The following IGF2BP2 variants were observed in gnomAD, a reference collection of about 807,000 sequenced individuals.
The protein encoded by IGF2BP2 is insulin-like growth factor 2 mRNA-binding protein 2.
A neutral mutation model predicts 75.8 loss-of-function variants in IGF2BP2; 17 were observed. That is an observed-to-expected ratio of 0.22 (90% CI 0.15 to 0.34). The LOEUF (loss-of-function observed/expected upper bound fraction) is 0.34. Among genes scored for constraint, IGF2BP2 ranks in the 10% least tolerant of loss-of-function variants. The pLI is 1.00. For missense variants in IGF2BP2, 516 were observed against 772.4 expected (o/e 0.67, Z 3.93); for synonymous variants, 288 against 295.6 (o/e 0.97, Z 0.26).
intron 2 of IGF2BP2, among the ~76,000 whole-genome samples, chr3:185,712,871 TC>T (rs1230231780): frequency 6.6e-6 from 1 of 152,212 alleles, no homozygotes; most frequent in Non-Finnish European, 1.5e-5. Context: ...GGTTTGTGAC[TC>T]TACTTGTGTC....
chr3:185,818,382 A>G lies in IGF2BP2; in HGVS notation c.239+4771T>C, dbSNP rs114253805. The stretch of plus-strand genomic sequence containing the variant: ...AGGTACCTGTGACTTGGCTTTCACA[A>G]GGTTAACCACCTACAAGAGTTATTC... On this transcript the variant is annotated intron_variant, in intron 2 of 15. Transcript: ENST00000382199. Among the ~76,000 whole-genome samples the G allele has an allele frequency of 8.0e-4, 122 of 152,298 alleles. 1 individual carries two copies. The highest frequency in any genetic ancestry group is 2.8e-3 in the African/African-American group (117 of 41,566).
At chr3:185,811,469 T>A (rs974836532) in intron 2 of IGF2BP2, among the ~76,000 whole-genome samples, 6 of 152,236 alleles carry the variant, frequency 3.9e-5, no homozygotes, top group African/African-American at 1.4e-4. Flanking sequence ...CAGCTGTCTT[T>A]TTTTGACCTT....
intron 2 of IGF2BP2, among the ~76,000 whole-genome samples, chr3:185,766,749 C>T (rs1733129917): frequency 6.6e-6 from 1 of 152,222 alleles, no homozygotes; most frequent in Non-Finnish European, 1.5e-5. Context: ...GGTATATTCA[C>T]ACCTATTACT....
intron 2 of IGF2BP2, among the ~76,000 whole-genome samples, chr3:185,808,858 G>A (rs185468741): frequency 1.8e-4 from 27 of 151,906 alleles, no homozygotes; most frequent in Non-Finnish European, 3.2e-4. Flanking sequence ...ATGAGCCACC[G>A]CACCCAACCT....
intron 5 of IGF2BP2, among the ~76,000 whole-genome samples, chr3:185,691,377 C>A (rs1330733158): frequency 2.0e-5 from 3 of 152,200 alleles, no homozygotes; most frequent in Non-Finnish European, 4.4e-5. Context: ...GGATTACAGG[C>A]ATGAGCCACC....
intron 2 of IGF2BP2, among the ~76,000 whole-genome samples, chr3:185,796,632 AAAG>A (rs1468841497): frequency 1.7e-5 from 1 of 60,248 alleles, no homozygotes; most frequent in African/African-American, 1.1e-4. Context: ...AAAAAAAAAA[AAAG>A]AGAGAGAGAC....
intron 10 of IGF2BP2, among the ~76,000 whole-genome samples, chr3:185,670,815 C>G (rs926949707): frequency 5.3e-5 from 8 of 152,072 alleles, no homozygotes; most frequent in African/African-American, 1.9e-4. Flanking sequence ...GGAGATCCAC[C>G]TGCTTCAGCC....
intron 2 of IGF2BP2, among the ~76,000 whole-genome samples, chr3:185,777,962 T>G (rs1734724744): frequency 6.6e-6 from 1 of 151,798 alleles, no homozygotes; most frequent in South Asian, 2.1e-4. Flanking sequence ...GAGAATCTCT[T>G]GAACCCAGGA....
chr3:185,780,700 C>T (rs1735098905), intron 2 of IGF2BP2, among the ~76,000 whole-genome samples: 1 of 152,068 alleles, frequency 6.6e-6, no homozygotes, highest in African/African-American at 2.4e-5. Flanking sequence ...CTGCACATTC[C>T]CACGGATGAT....
chr3:185,820,987 G>C, intron 2 of IGF2BP2: 1 of 1,534,112 alleles, frequency 6.5e-7, no homozygotes, highest in East Asian at 2.4e-5. Flanking sequence ...TAACATAAAA[G>C]CTTTGGTTTC....
At chr3:185,660,668 G>C (rs751844029) in intron 10 of IGF2BP2, among the ~76,000 whole-genome samples, 4 of 152,168 alleles carry the variant, frequency 2.6e-5, no homozygotes, top group African/African-American at 4.8e-5. Context: ...GCAGGAAGGT[G>C]GGTGAAGCAG....
intron 2 of IGF2BP2, among the ~76,000 whole-genome samples, chr3:185,791,297 G>A (rs1205606971): frequency 2.0e-5 from 3 of 152,180 alleles, no homozygotes; most frequent in South Asian, 2.1e-4. Context: ...CGAAGAGTTC[G>A]ACATAAATTC....
intron 2 of IGF2BP2, among the ~76,000 whole-genome samples, chr3:185,705,710 G>A (rs1160174162): frequency 1.3e-5 from 2 of 152,188 alleles, no homozygotes; most frequent in Non-Finnish European, 2.9e-5. Context: ...CAGCAGATTT[G>A]CTGTCTGCTG....
At position 185,795,766 on chromosome 3, in the gene IGF2BP2, G is replaced by C. The variant is rs138364890; in HGVS notation, c.239+27387C>G. Among the ~76,000 whole-genome samples, 412 of 152,144 alleles carry C rather than the reference G, an allele frequency of 2.7e-3. 1 individual carries two copies. Among genetic ancestry groups the C allele is most frequent in the African/African-American group, 9.5e-3 (396 of 41,516 alleles). On this transcript the variant is annotated intron_variant, in intron 2 of 15. Transcript: ENST00000382199. ...TGTGGTGGCGCAGTCCCAGCCTGTA[G>C]TCCCAACTACTAGGGAGGCTGAGAC...
intron 2 of IGF2BP2, among the ~76,000 whole-genome samples, chr3:185,808,424 G>C (rs1254278940): frequency 6.6e-6 from 1 of 152,104 alleles, no homozygotes; most frequent in East Asian, 1.9e-4. Flanking sequence ...AGGCTGTAGT[G>C]AGCCAACATC....
At chr3:185,649,645 C>T in intron 13 of IGF2BP2, 111 bp from the exon 14 acceptor site, 1 of 1,424,826 alleles carries the variant, frequency 7.0e-7, no homozygotes, top group Non-Finnish European at 9.6e-7. Flanking sequence ...CCCATTCCCA[C>T]ACTCCCTGGG....
At chr3:185,665,217 AGAGGAGGAG>A (rs1165939543) in intron 10 of IGF2BP2, among the ~76,000 whole-genome samples, 1 of 135,546 alleles carries the variant, frequency 7.4e-6, no homozygotes, top group East Asian at 2.3e-4. Flanking sequence ...AGGAGAAGGA[AGAGGAGGAG>A]GAGGAGGAGG....
chr3:185,647,859 G>A lies in IGF2BP2; in HGVS notation c.1594-721C>T, dbSNP rs766746172. 4.7e-4 allele frequency among the ~76,000 whole-genome samples: 71 copies of A among 152,350 alleles called. No individual in the cohort carries two copies. Among genetic ancestry groups the A allele is most frequent in the Non-Finnish European group, 9.0e-4 (61 of 68,034 alleles). On this transcript the variant is annotated intron_variant, in intron 14 of 15. Transcript: ENST00000382199. The surrounding 1 kb of genome is among the most constrained non-coding windows in gnomAD (Gnocchi z 4.9). Reference sequence around the variant, plus strand: ...CTGGCCTGATGCCGAGCTCACAGGCGGGTTCAGCATGTGCTTTAGGGGAAA... The same window carrying A: ...CTGGCCTGATGCCGAGCTCACAGGCAGGTTCAGCATGTGCTTTAGGGGAAA...
At chr3:185,670,992 C>T (rs1718421571) in intron 10 of IGF2BP2, among the ~76,000 whole-genome samples, 1 of 152,204 alleles carries the variant, frequency 6.6e-6, no homozygotes, top group Admixed American at 6.5e-5. Flanking sequence ...GTATGTACAG[C>T]CTCTCTCCCA....
Sources: allele counts gnomAD v4.1 joint callset (sites outside exome capture counted in the v4.1 genomes callset), GRCh38; gene constraint gnomAD v4.1.1; non-coding constraint Gnocchi (gnomAD v3.1); transcripts MANE v1.5; gene names NCBI Gene and HGNC (gene_info 2026-07-23, HGNC 2026-07-21).